TCF4: variants seen among roughly 807,000 people sequenced by gnomAD.
The protein encoded by TCF4 is SL3-3 enhancer factor 2.
In TCF4, 3 loss-of-function variants were observed where a neutral mutation model predicts 82.1. The ratio of observed to expected loss-of-function variants is 0.04; its 90% CI spans 0.02 to 0.09. TCF4 has a LOEUF of 0.09. TCF4 is among the 10% of genes least tolerant of loss of function. TCF4 has a pLI of 1.00. For missense variants in TCF4, 518 were observed against 852.7 expected (o/e 0.61, Z 4.89); for synonymous variants, 276 against 309.6 (o/e 0.89, Z 1.14).
At chr18:55,500,818 T>A (rs1467921396) in intron 3 of TCF4, among the ~76,000 whole-genome samples, 1 of 152,226 alleles carries the variant, frequency 6.6e-6, no homozygotes, top group East Asian at 1.9e-4. Flanking sequence ...CTCCCCCATA[T>A]GCCACTGGCT....
chr18:55,228,503 A>G (rs1013463908), intron 18 of TCF4, 142 bp from the exon 19 acceptor site: 2 of 1,203,280 alleles, frequency 1.7e-6, no homozygotes, highest in East Asian at 2.4e-5. Context: ...GTACTGTGGC[A>G]ATCCATTTGG....
intron 3 of TCF4, among the ~76,000 whole-genome samples, chr18:55,489,673 A>G (rs2096555413): frequency 1.3e-5 from 2 of 152,212 alleles, no homozygotes; most frequent in Admixed American, 1.3e-4. Flanking sequence ...CCACAAGGCA[A>G]TCTGCATCCT....
intron 8 of TCF4, among the ~76,000 whole-genome samples, chr18:55,317,656 C>T (rs556815020): frequency 6.6e-6 from 1 of 152,026 alleles, no homozygotes; most frequent in Non-Finnish European, 1.5e-5. Flanking sequence ...ACTCTTCATA[C>T]CCCAATTTTC....
chr18:55,573,520 T>G (rs983784315), intron 3 of TCF4, among the ~76,000 whole-genome samples: 1 of 152,108 alleles, frequency 6.6e-6, no homozygotes, highest in African/African-American at 2.4e-5. Context: ...CAAATCTGAT[T>G]AGCAGCACAC....
intron 3 of TCF4, among the ~76,000 whole-genome samples, chr18:55,570,283 C>T (rs2097450775): frequency 6.6e-6 from 1 of 152,128 alleles, no homozygotes; most frequent in African/African-American, 2.4e-5. Flanking sequence ...AATATATGTA[C>T]AACCTTGGGG....
At chr18:55,621,970 T>C (rs551818463) in intron 2 of TCF4, among the ~76,000 whole-genome samples, 3 of 126,416 alleles carry the variant, frequency 2.4e-5, no homozygotes, top group South Asian at 2.3e-4. Flanking sequence ...ACACTATATA[T>C]TATATATTAT....
chr18:55,356,358 C>T (rs2083516909), intron 6 of TCF4, among the ~76,000 whole-genome samples: 1 of 152,174 alleles, frequency 6.6e-6, no homozygotes, highest in Non-Finnish European at 1.5e-5. Context: ...TAGAGCTACA[C>T]TGGCAACAAG....
chr18:55,326,436 C>T (rs1287960032), intron 8 of TCF4, among the ~76,000 whole-genome samples: 1 of 142,284 alleles, frequency 7.0e-6, no homozygotes, highest in Non-Finnish European at 1.5e-5. Context: ...AAAAAATCTC[C>T]ACCTAAAATA....
intron 3 of TCF4, among the ~76,000 whole-genome samples, chr18:55,477,599 G>A (rs767184417): frequency 1.8e-4 from 27 of 152,228 alleles, no homozygotes; most frequent in Non-Finnish European, 4.4e-5. Flanking sequence ...TTCACCACCA[G>A]GGCACACGCA....
chr18:55,504,988 G>C (rs1026443266), intron 3 of TCF4, among the ~76,000 whole-genome samples: 1 of 152,146 alleles, frequency 6.6e-6, no homozygotes, highest in African/African-American at 2.4e-5. Flanking sequence ...TGCTGGAATA[G>C]TGCCCAGTTA....
At position 55,620,068 on chromosome 18, in the gene TCF4, A is replaced by C. The variant is rs1024451551; in HGVS notation, c.286+11230T>G. Among the ~76,000 whole-genome samples the C allele has an allele frequency of 3.9e-5, 6 of 152,000 alleles. No individual in the cohort carries two copies. In the South Asian group the frequency reaches 1.2e-3, roughly 32 times the overall value. ...TCTCATGAGATCTAATCATTTTATA[A>C]ATGTTTGGTAGTTCTTCCTGCATTC... On this transcript the variant is annotated intron_variant, in intron 2 of 20. Coordinates refer to the TCF4 transcript ENST00000398339.
intron 17 of TCF4, chr18:55,232,192 T>C (rs1222891348): frequency 6.7e-6 from 2 of 298,034 alleles, no homozygotes; most frequent in African/African-American, 2.2e-5. Flanking sequence ...AGAAATATTA[T>C]AGACACAACA....
chr18:55,510,186 A>T (rs2096810471), intron 3 of TCF4, among the ~76,000 whole-genome samples: 1 of 152,148 alleles, frequency 6.6e-6, no homozygotes, highest in Non-Finnish European at 1.5e-5. Flanking sequence ...AAAGGTGCAC[A>T]TTCATAAAGT....
chr18:55,580,372 C>A (rs1484318449), intron 3 of TCF4, among the ~76,000 whole-genome samples: 1 of 151,910 alleles, frequency 6.6e-6, no homozygotes, highest in Non-Finnish European at 1.5e-5. Context: ...CATATTAATA[C>A]ATCAGGCTTG....
chr18:55,554,988 G>T (rs1485004072), intron 3 of TCF4, among the ~76,000 whole-genome samples: 2 of 152,018 alleles, frequency 1.3e-5, no homozygotes, highest in African/African-American at 4.8e-5. Context: ...AAAATACTTT[G>T]GCTTGATATC....
At position 55,525,600 on chromosome 18, in the gene TCF4, G is replaced by A. The variant is rs142172958; in HGVS notation, c.145+59680C>T. On this transcript the variant is annotated intron_variant, in intron 3 of 19. Coordinates refer to ENST00000354452, the MANE Select transcript of TCF4 (RefSeq NM_001083962.2). ...TAAAAACTGAGTTTCAAACCCAGCT[G>A]TCTTAGGCACAAGAGGCAAAAGAGG... is the stretch of plus-strand genomic sequence containing the variant. 1.3e-3 allele frequency among the ~76,000 whole-genome samples: 199 copies of A among 152,272 alleles called. 2 individuals are homozygous for A. The highest frequency in any genetic ancestry group is 4.6e-3 in the African/African-American group (190 of 41,558).
At chr18:55,567,960 T>C (rs1298724612) in intron 3 of TCF4, among the ~76,000 whole-genome samples, 2 of 152,076 alleles carry the variant, frequency 1.3e-5, no homozygotes, top group African/African-American at 4.8e-5. Flanking sequence ...TTGTAAAATT[T>C]TGAAGGCACC....
chr18:55,512,542 G>C (rs1264094984), intron 3 of TCF4, among the ~76,000 whole-genome samples: 6 of 152,104 alleles, frequency 3.9e-5, no homozygotes, highest in African/African-American at 7.2e-5. Flanking sequence ...ATGCATATAT[G>C]TGTGTATGTG....
At chr18:55,273,718 G>C (rs751154739) in intron 10 of TCF4, among the ~76,000 whole-genome samples, 2 of 152,118 alleles carry the variant, frequency 1.3e-5, no homozygotes, top group Non-Finnish European at 1.5e-5. Context: ...TTTCGTGATA[G>C]GTAAATGGCA....
Sources: allele counts gnomAD v4.1 joint callset (sites outside exome capture counted in the v4.1 genomes callset), GRCh38; gene constraint gnomAD v4.1.1; transcripts MANE v1.5; gene names NCBI Gene and HGNC (gene_info 2026-07-23, HGNC 2026-07-21).